Variants in OSBPL3 observed in about 807,000 individuals in gnomAD.
OSBPL3 encodes oxysterol-binding protein-related protein 3.
Under a neutral mutation model 120.1 loss-of-function variants are expected in OSBPL3, and 65 were observed. The ratio of observed to expected loss-of-function variants is 0.54; its 90% confidence interval spans 0.44 to 0.67. The LOEUF is 0.67. Ranked by LOEUF, OSBPL3 falls within the 30% of genes least tolerant of loss-of-function variation. The probability of loss-of-function intolerance (pLI) is 0.00; values close to 1 mark genes in which losing one functional copy is unlikely to be tolerated. For synonymous variants in OSBPL3, 416 were observed against 402.6 expected (o/e 1.03, Z -0.40); for missense variants, 1,004 against 1,082.1 (o/e 0.93, Z 1.01).
At position 24,804,605 on chromosome 7, in the gene OSBPL3, T is replaced by G. The variant is rs894065776; in HGVS notation, c.2445-168A>C. ...TATCTTGAAGTAGTCAGAGAAGATA[T>G]TTTTTTGAATTGGTGATATTTACAT... is the stretch of plus-strand genomic sequence containing the variant. On this transcript the variant is annotated intron_variant, in intron 21 of 22. Coordinates refer to ENST00000313367, the MANE Select transcript of OSBPL3 (RefSeq NM_015550.4). The surrounding 1 kb of genome is among the most constrained non-coding windows in gnomAD (Gnocchi z 5.4). Among the ~76,000 whole-genome samples, 1 of 152,194 alleles carries G rather than the reference T, an allele frequency of 6.6e-6. No individual in the cohort carries two copies. The highest frequency in any genetic ancestry group is 2.4e-5 in the African/African-American group (1 of 41,448).
intron 12 of OSBPL3, among the ~76,000 whole-genome samples, chr7:24,843,844 G>T (rs1798075349): frequency 6.6e-6 from 1 of 152,186 alleles, no homozygotes; most frequent in South Asian, 2.1e-4. Flanking sequence ...TATTGAGCTT[G>T]AAAACATCGT....
intron 1 of OSBPL3, among the ~76,000 whole-genome samples, chr7:24,908,824 C>T (rs1316849901): frequency 1.3e-5 from 2 of 152,142 alleles, no homozygotes; most frequent in Non-Finnish European, 2.9e-5. Context: ...CAAGTTTTAA[C>T]GTTTTTTCCT....
In OSBPL3 at chr7:24,806,768, A is replaced by T; in HGVS notation, c.2444+8T>A. 6.2e-7 allele frequency: 1 copy of T among 1,612,154 alleles called. No homozygotes were observed. The highest frequency in any genetic ancestry group is 1.1e-5 in the South Asian group (1 of 90,610). On this transcript the variant is annotated splice_region_variant and intron_variant, in intron 21 of 22. Coordinates refer to ENST00000313367, the MANE Select transcript of OSBPL3 (RefSeq NM_015550.4). This position sits in a 1 kb window ranked among gnomAD's most constrained non-coding sequence, Gnocchi z 5.2. Reference sequence around the variant, plus strand: ...CTCTGGAGAGAAAAATCTTTAAAAAATCCTTACCTCTGGTCTGGCCTAAAT... The same window carrying T: ...CTCTGGAGAGAAAAATCTTTAAAAATTCCTTACCTCTGGTCTGGCCTAAAT...
intron 1 of OSBPL3, among the ~76,000 whole-genome samples, chr7:24,974,216 A>C (rs1817329911): frequency 6.6e-6 from 1 of 152,180 alleles, no homozygotes; most frequent in South Asian, 2.1e-4. Context: ...CCCAGTTTCA[A>C]CGATCGTCAG....
rs964891186 is a variant in OSBPL3 at position 24,813,782 on chromosome 7, C to T, written c.2172+1277G>A. Among the ~76,000 whole-genome samples, 5 of 152,156 alleles carry T rather than the reference C, an allele frequency of 3.3e-5. No homozygotes were observed. Among genetic ancestry groups the T allele is most frequent in the African/African-American group, 1.2e-4 (5 of 41,446 alleles). On this transcript the variant is annotated intron_variant, in intron 19 of 22. Transcript: ENST00000313367. The surrounding 1 kb of genome is among the most constrained non-coding windows in gnomAD (Gnocchi z 4.5). ...CCTTGAGGAGGGTCATGTTTTAAAGCTGTTTTAACTACATACAATTTTTAA... is the reference window on the plus strand; with the variant it reads ...CCTTGAGGAGGGTCATGTTTTAAAGTTGTTTTAACTACATACAATTTTTAA...
chr7:24,867,276 T>C lies in OSBPL3; in HGVS notation c.382-1039A>G, dbSNP rs1311950047. On this transcript the variant is annotated intron_variant, in intron 5 of 22. Transcript: ENST00000313367. The surrounding 1 kb of genome is among the most constrained non-coding windows in gnomAD (Gnocchi z 4.5). ...TTTAAACTCTTTTATAATTCAGACTTTTCAGATTAATCTTTTCTGAACTGG... is the reference window on the plus strand; with the variant it reads ...TTTAAACTCTTTTATAATTCAGACTCTTCAGATTAATCTTTTCTGAACTGG... 6.6e-6 allele frequency among the ~76,000 whole-genome samples: 1 copy of C among 152,246 alleles called. No homozygotes were observed. Among genetic ancestry groups the C allele is most frequent in the East Asian group, 1.9e-4 (1 of 5,200 alleles).
intron 12 of OSBPL3, among the ~76,000 whole-genome samples, chr7:24,844,385 T>C (rs1798145436): frequency 6.6e-6 from 1 of 152,086 alleles, no homozygotes; most frequent in African/African-American, 2.4e-5. Flanking sequence ...TGATTTTTTT[T>C]TTTTCTGGCT....
Position 24,801,812 on chromosome 7 carries a change from G to C in OSBPL3, c.2568-1533C>G, listed in dbSNP as rs145865006. ...TTATCATTTGCTCTTTATAGGAAAAGTTTGGTGACTCTAGCAATAAGGGAT... is the reference window on the plus strand; with the variant it reads ...TTATCATTTGCTCTTTATAGGAAAACTTTGGTGACTCTAGCAATAAGGGAT... On this transcript the variant is annotated intron_variant, in intron 22 of 22. Coordinates refer to ENST00000313367, the MANE Select transcript of OSBPL3 (RefSeq NM_015550.4). Among the ~76,000 whole-genome samples, 11 of 150,492 alleles carry C rather than the reference G, an allele frequency of 7.3e-5. No individual in the cohort carries two copies. In the East Asian group the frequency reaches 1.9e-3, roughly 26 times the overall value.
chr7:24,951,218 A>G (rs1563004358), intron 1 of OSBPL3, among the ~76,000 whole-genome samples: 1 of 152,200 alleles, frequency 6.6e-6, no homozygotes, highest in African/African-American at 2.4e-5. Flanking sequence ...AATCTTATCT[A>G]AAAATATTTG....
chr7:24,849,229 A>C lies in OSBPL3; in HGVS notation c.1159-53T>G, dbSNP rs1798833430. The C allele has an allele frequency of 1.1e-5, 15 of 1,400,906 alleles. No individual in the cohort carries two copies. In the Middle Eastern group the frequency reaches 5.3e-4, roughly 50 times the overall value. 86.8% of individuals were successfully genotyped at this position (1,400,906 alleles called of 1,614,324 possible). A position where few individuals can be genotyped will look rare whatever the true frequency, so the allele number is the denominator to read the frequency against. On this transcript the variant is annotated intron_variant, in intron 11 of 22. Transcript: ENST00000313367. The surrounding 1 kb of genome is among the most constrained non-coding windows in gnomAD (Gnocchi z 5.4). ...TGTTAATAAATGGATGTTTCAGAAAAGCACAGCAGTGGGCCCTGCAGGAGC... is the reference window on the plus strand; with the variant it reads ...TGTTAATAAATGGATGTTTCAGAAACGCACAGCAGTGGGCCCTGCAGGAGC...
In OSBPL3 at chr7:24,803,005, G is replaced by A. The variant is rs547919023; in HGVS notation, c.2567+1310C>T. 6.6e-6 allele frequency among the ~76,000 whole-genome samples: 1 copy of A among 152,304 alleles called. No homozygotes were observed. Among genetic ancestry groups the A allele is most frequent in the South Asian group, 2.1e-4 (1 of 4,824 alleles). ...TATCTTGAATTTGTGGAAATGATCAGAAGGGATCTAGTAGAATCTACATCA... is the reference window on the plus strand; with the variant it reads ...TATCTTGAATTTGTGGAAATGATCAAAAGGGATCTAGTAGAATCTACATCA... On this transcript the variant is annotated intron_variant, in intron 22 of 22. Transcript: ENST00000313367. The surrounding 1 kb of genome is among the most constrained non-coding windows in gnomAD (Gnocchi z 4.2).
rs376219698 is a variant in OSBPL3, at chr7:24,898,207, G to T, written c.-149-5586C>A. ...TTAAGCACCACAGACCAGAGATTCAGCATCAGAAGTTTCTGGAAGCAGGTT... is the reference window on the plus strand; with the variant it reads ...TTAAGCACCACAGACCAGAGATTCATCATCAGAAGTTTCTGGAAGCAGGTT... On this transcript the variant is annotated intron_variant, in intron 1 of 22. Coordinates refer to ENST00000313367, the MANE Select transcript of OSBPL3 (RefSeq NM_015550.4). The surrounding 1 kb of genome is among the most constrained non-coding windows in gnomAD (Gnocchi z 4.3). 1.1e-4 allele frequency among the ~76,000 whole-genome samples: 16 copies of T among 152,326 alleles called. 1 individual carries two copies. Among genetic ancestry groups the T allele is most frequent in the Admixed American group, 4.6e-4 (7 of 15,308 alleles).
chr7:24,878,459 G>A (rs996810335), intron 2 of OSBPL3, among the ~76,000 whole-genome samples: 1 of 152,032 alleles, frequency 6.6e-6, no homozygotes, highest in Admixed American at 6.6e-5. Flanking sequence ...GATTTTAAAG[G>A]CATTCAAGAT....
At position 24,955,666 on chromosome 7, in the gene OSBPL3, T is replaced by C. The variant is rs1191380635; in HGVS notation, c.-150+24220A>G. Among the ~76,000 whole-genome samples the C allele has an allele frequency of 6.6e-6, 1 of 152,220 alleles. No homozygotes were observed. Among genetic ancestry groups the C allele is most frequent in the African/African-American group, 2.4e-5 (1 of 41,446 alleles). On this transcript the variant is annotated intron_variant, in intron 1 of 22. Transcript: ENST00000313367. The surrounding 1 kb of genome is among the most constrained non-coding windows in gnomAD (Gnocchi z 4.3). ...CCCCTGTCCCCTATACACTCTAACCTACTTATCCCTGCTTTAATGTTCTCC... is the reference window on the plus strand; with the variant it reads ...CCCCTGTCCCCTATACACTCTAACCCACTTATCCCTGCTTTAATGTTCTCC...
At chr7:24,832,513 GA>G (rs1192440659) in intron 15 of OSBPL3, among the ~76,000 whole-genome samples, 10,748 of 103,952 alleles carry the variant, frequency 0.1, 557 homozygotes, top group African/African-American at 0.17. Context: ...CTGCCTCAAA[GA>G]AAAAAAAAAA....
In OSBPL3 at chr7:24,822,253, T is replaced by C. The variant is rs1795216268; in HGVS notation, c.1885-2015A>G. Among the ~76,000 whole-genome samples, 1 of 152,210 alleles carries C rather than the reference T, an allele frequency of 6.6e-6. No homozygotes were observed. Among genetic ancestry groups the C allele is most frequent in the African/African-American group, 2.4e-5 (1 of 41,464 alleles). ...CATTCTTCTCCTTTTCTTCACTAGC[T>C]GTCTTTCGATGAAAACAACGGAGCT... is the stretch of plus-strand genomic sequence containing the variant. On this transcript the variant is annotated intron_variant, in intron 16 of 22. Transcript: ENST00000313367. This position sits in a 1 kb window ranked among gnomAD's most constrained non-coding sequence, Gnocchi z 5.8.
chr7:24,970,560 TAGAG>T (rs1305255106), intron 1 of OSBPL3, among the ~76,000 whole-genome samples: 1 of 152,096 alleles, frequency 6.6e-6, no homozygotes, highest in Non-Finnish European at 1.5e-5. Flanking sequence ...GATCAATATA[TAGAG>T]ATATAGATAC....
intron 2 of OSBPL3, among the ~76,000 whole-genome samples, chr7:24,887,231 T>C (rs1584507493): frequency 6.6e-6 from 1 of 152,200 alleles, no homozygotes; most frequent in African/African-American, 2.4e-5. Context: ...TAATAGGGTA[T>C]GATTAAGACA....
At chr7:24,935,352 A>G (rs1812282840) in intron 1 of OSBPL3, among the ~76,000 whole-genome samples, 1 of 152,112 alleles carries the variant, frequency 6.6e-6, no homozygotes, top group African/African-American at 2.4e-5. Context: ...AAGCTACAGA[A>G]CTTACTCAGA....
Sources: allele counts gnomAD v4.1 joint callset (sites outside exome capture counted in the v4.1 genomes callset), GRCh38; gene constraint gnomAD v4.1.1; non-coding constraint Gnocchi (gnomAD v3.1); transcripts MANE v1.5; gene names NCBI Gene and HGNC (gene_info 2026-07-23, HGNC 2026-07-21).